GSE1: variants seen among roughly 807,000 people sequenced by gnomAD.
The protein encoded by GSE1 is genetic suppressor element 1.
In GSE1, 32 loss-of-function variants were observed where a neutral mutation model predicts 112.6. That is an observed-to-expected ratio of 0.28 (90% CI 0.21 to 0.38). The LOEUF (loss-of-function observed/expected upper bound fraction) is 0.38. GSE1 is among the 10% of genes least tolerant of loss of function. The probability of loss-of-function intolerance (pLI) is 1.00; values close to 1 mark genes in which losing one functional copy is unlikely to be tolerated. For synonymous variants in GSE1, 1,115 were observed against 735.6 expected (o/e 1.52, Z -8.35); for missense variants, 2,348 against 1,699.2 (o/e 1.38, Z -6.71).
At chr16:85,635,833 A>G (rs2049950146) in intron 2 of GSE1, among the ~76,000 whole-genome samples, 1 of 152,224 alleles carries the variant, frequency 6.6e-6, no homozygotes, top group South Asian at 2.1e-4. Flanking sequence ...GGACGTGGTC[A>G]GGAAAGGGCA....
chr16:85,290,979 G>C (rs781447441), intron 1 of GSE1, among the ~76,000 whole-genome samples: 1 of 152,238 alleles, frequency 6.6e-6, no homozygotes, highest in Non-Finnish European at 1.5e-5. Context: ...TGTCAGAGCC[G>C]TAGCAGACAG....
At chr16:85,499,609 A>G (rs541215954) in intron 2 of GSE1, among the ~76,000 whole-genome samples, 168 of 152,286 alleles carry the variant, frequency 1.1e-3, no homozygotes, top group Non-Finnish European at 1.9e-3. Flanking sequence ...CCCAGCAGAA[A>G]GTCGTCTTTA....
At chr16:85,616,183 C>A (rs1198562301) in intron 1 of GSE1, among the ~76,000 whole-genome samples, 1 of 152,250 alleles carries the variant, frequency 6.6e-6, no homozygotes, top group African/African-American at 2.4e-5. Flanking sequence ...CCTTCCAACC[C>A]CTGGAGTCCC....
At chr16:85,247,457 A>G (rs757721302) in intron 1 of GSE1, among the ~76,000 whole-genome samples, 4 of 152,180 alleles carry the variant, frequency 2.6e-5, no homozygotes, top group Non-Finnish European at 5.9e-5. Context: ...GGCTGCATGC[A>G]GGGACCGGGC....
chr16:85,577,073 G>A (rs866400216), intron 1 of GSE1, among the ~76,000 whole-genome samples: 9 of 150,784 alleles, frequency 6.0e-5, no homozygotes, highest in Middle Eastern at 3.5e-3. Flanking sequence ...GTCAGGACTT[G>A]GGTCCTGGAG....
intron 2 of GSE1, among the ~76,000 whole-genome samples, chr16:85,642,599 C>G (rs368758909): frequency 3.4e-4 from 52 of 152,358 alleles, no homozygotes; most frequent in African/African-American, 1.0e-3. Flanking sequence ...GGAGCCGTCC[C>G]CTAGGGCTCT....
intron 2 of GSE1, among the ~76,000 whole-genome samples, chr16:85,462,043 C>T (rs1050649087): frequency 6.6e-6 from 1 of 152,194 alleles, no homozygotes. Flanking sequence ...AGCAGGCCCC[C>T]GGGGAGTGGG....
At chr16:85,309,600 G>C (rs561089257) in intron 1 of GSE1, among the ~76,000 whole-genome samples, 1 of 152,248 alleles carries the variant, frequency 6.6e-6, no homozygotes, top group Admixed American at 6.5e-5. Context: ...CTCGAGGCAC[G>C]TGGCCCACCC....
intron 2 of GSE1, among the ~76,000 whole-genome samples, chr16:85,393,958 A>G (rs994872811): frequency 4.6e-5 from 7 of 150,918 alleles, no homozygotes; most frequent in African/African-American, 1.7e-4. Flanking sequence ...GGGGAACTCC[A>G]GGCACCCTGG....
intron 2 of GSE1, among the ~76,000 whole-genome samples, chr16:85,507,095 CGTGGCTGT>C (rs2051560751): frequency 6.6e-6 from 1 of 152,154 alleles, no homozygotes; most frequent in Admixed American, 6.5e-5. Flanking sequence ...ATTTGGTTGG[CGTGGCTGT>C]GTGGCTGAGA....
chr16:85,547,404 C>T (rs1306884180), intron 2 of GSE1, among the ~76,000 whole-genome samples: 2 of 152,214 alleles, frequency 1.3e-5, no homozygotes, highest in Non-Finnish European at 2.9e-5. Context: ...CCAGACATCC[C>T]TCGGCTTGTG....
chr16:85,196,884 C>T (rs781691389), intron 1 of GSE1, among the ~76,000 whole-genome samples: 7 of 151,814 alleles, frequency 4.6e-5, no homozygotes, highest in Non-Finnish European at 1.0e-4. Flanking sequence ...TGAAGGTCAC[C>T]CTGGGCTTGG....
chr16:85,420,737 C>T lies in GSE1; in HGVS notation c.2464+63094C>T, dbSNP rs562855037. Among the ~76,000 whole-genome samples, 4 of 152,322 alleles carry T rather than the reference C, an allele frequency of 2.6e-5. No homozygotes were observed. The East Asian group carries it at 5.8e-4, about 22-fold the overall frequency. On this transcript the variant is annotated intron_variant, in intron 2 of 2. Transcript: ENST00000637419. ...GGGGTGGCTAGCCAGCAGCTGCCTT[C>T]CCTTGGGGAGCCAAGGGCAGGTGGC...
chr16:85,334,383 C>T (rs1469202603), intron 1 of GSE1, among the ~76,000 whole-genome samples: 1 of 152,210 alleles, frequency 6.6e-6, no homozygotes, highest in Non-Finnish European at 1.5e-5. Flanking sequence ...GGGGGAGCTG[C>T]GCTGGGGTTG....
rs2053038588 is a variant in GSE1 at position 85,668,212 on chromosome 16, T to A, written c.3203T>A (p.Leu1068Gln). The part of the protein sequence containing the change: ...DTSVHYNIPE[L>Q]QSSSRAPPPQ... ...TCCGTCCACTACAACATTCCTGAGCTGCAGTCCTCCAGCCGCGCCCCTCCA... is the reference window on the plus strand; with the variant it reads ...TCCGTCCACTACAACATTCCTGAGCAGCAGTCCTCCAGCCGCGCCCCTCCA... Residue 1068 changes from leucine to glutamine, a missense_variant, in exon 14 of 16, where the codon CTG becomes CAG. Physicochemically the swap from Leu to Gln is moderately radical, Grantham distance 113. Transcript: ENST00000253458. 1 of 1,611,218 alleles carries A rather than the reference T, an allele frequency of 6.2e-7. No homozygotes were observed. The highest frequency in any genetic ancestry group is 8.5e-7 in the Non-Finnish European group (1 of 1,177,540).
At position 85,172,721 on chromosome 16, in the gene GSE1, C is replaced by T. The variant is rs185862551; in HGVS notation, c.2283+914C>T. Among the ~76,000 whole-genome samples the T allele has an allele frequency of 3.2e-4, 49 of 152,312 alleles. 1 individual carries two copies. In the East Asian group the frequency reaches 8.9e-3, roughly 28 times the overall value. ...AACGCCTGTAGTGGCAGCTGCTGGC[C>T]ATGTGTGGGCAGAGGGACGTGTGGA... On this transcript the variant is annotated intron_variant, in intron 1 of 2. Transcript: ENST00000637419.
intron 2 of GSE1, among the ~76,000 whole-genome samples, chr16:85,380,509 AC>A (rs35033722): frequency 2.0e-5 from 3 of 151,494 alleles, no homozygotes; most frequent in East Asian, 1.9e-4. Context: ...GTGGGAGGAC[AC>A]CCCCCCTCCA....
intron 14 of GSE1, among the ~76,000 whole-genome samples, chr16:85,668,873 G>A (rs2053099809): frequency 6.6e-6 from 1 of 152,192 alleles, no homozygotes; most frequent in African/African-American, 2.4e-5. Context: ...TGCCAGTCAT[G>A]TTTTCAGCTG....
chr16:85,297,723 C>A (rs1048152566), intron 1 of GSE1, among the ~76,000 whole-genome samples: 1 of 152,194 alleles, frequency 6.6e-6, no homozygotes, highest in Admixed American at 6.5e-5. Flanking sequence ...TGTTGCCCAG[C>A]TGATCTCAAA....
Sources: allele counts gnomAD v4.1 joint callset (sites outside exome capture counted in the v4.1 genomes callset), GRCh38; gene constraint gnomAD v4.1.1; transcripts MANE v1.5; gene names NCBI Gene and HGNC (gene_info 2026-07-23, HGNC 2026-07-21).